Variants in MYO5B observed in about 807,000 individuals in gnomAD.
The protein encoded by MYO5B is myosin VB.
MYO5B carries 143 observed loss-of-function variants against 229.3 expected under a neutral mutation model. The observed-to-expected ratio is 0.62, with a 90% CI of 0.54 to 0.72. The LOEUF is 0.72. Ranked by LOEUF, MYO5B falls within the 30% of genes least tolerant of loss-of-function variation. MYO5B has a pLI of 0.00. For missense variants in MYO5B, 2,321 were observed against 2,331.0 expected (o/e 1.00, Z 0.09); for synonymous variants, 918 against 885.2 (o/e 1.04, Z -0.66).
chr18:50,165,918 T>C (rs2032844799), intron 1 of MYO5B, among the ~76,000 whole-genome samples: 2 of 152,152 alleles, frequency 1.3e-5, no homozygotes, highest in Admixed American at 6.5e-5. Context: ...TCAAGATTTG[T>C]GTCAAAAAAG....
intron 1 of MYO5B, among the ~76,000 whole-genome samples, chr18:50,085,753 A>G (rs1380241746): frequency 6.6e-6 from 1 of 152,226 alleles, no homozygotes; most frequent in Non-Finnish European, 1.5e-5. Flanking sequence ...TGATGAGTTC[A>G]TGTCCTTTGT....
rs192358402 is a variant in MYO5B, at chr18:49,962,915, T to C, written c.1404+34A>G. 241 of 1,578,740 alleles carry C rather than the reference T, an allele frequency of 1.5e-4. No homozygotes were observed. The African/African-American group carries it at 2.8e-3, about 19-fold the overall frequency. On this transcript the variant is annotated intron_variant, in intron 11 of 39. Coordinates refer to ENST00000285039, the MANE Select transcript of MYO5B (RefSeq NM_001080467.3). ...GTCCCTCCCAGAGGAGTCCCCCCAATCCTGGTACCCCCAGGTCTAGAAACC... is the reference window on the plus strand; with the variant it reads ...GTCCCTCCCAGAGGAGTCCCCCCAACCCTGGTACCCCCAGGTCTAGAAACC...
chr18:49,833,150 T>C (rs946918655), intron 39 of MYO5B, among the ~76,000 whole-genome samples: 15 of 152,204 alleles, frequency 9.9e-5, no homozygotes, highest in Non-Finnish European at 1.5e-5. Flanking sequence ...TTACCTATAT[T>C]ATCACAATTC....
chr18:49,957,059 G>T (rs2025500398), intron 12 of MYO5B, among the ~76,000 whole-genome samples: 1 of 143,002 alleles, frequency 7.0e-6, no homozygotes, highest in African/African-American at 2.6e-5. Context: ...TGGGTGAATT[G>T]TATGGTATGT....
intron 5 of MYO5B, among the ~76,000 whole-genome samples, chr18:49,994,802 G>A (rs2025969776): frequency 6.6e-6 from 1 of 152,214 alleles, no homozygotes. Flanking sequence ...ATGGCAGACT[G>A]CCAGACTTCA....
At chr18:50,061,732 G>A (rs987648112) in intron 1 of MYO5B, among the ~76,000 whole-genome samples, 3 of 152,180 alleles carry the variant, frequency 2.0e-5, no homozygotes, top group Admixed American at 1.3e-4. Flanking sequence ...CCCAAGTGAT[G>A]AATGCACTGT....
At chr18:49,921,411 G>A (rs955485515) in intron 17 of MYO5B, among the ~76,000 whole-genome samples, 3 of 152,130 alleles carry the variant, frequency 2.0e-5, no homozygotes, top group African/African-American at 4.8e-5. Flanking sequence ...GCACAGGCAC[G>A]AGACCTAGGA....
At chr18:49,965,488 T>C (rs2025614693) in intron 10 of MYO5B, among the ~76,000 whole-genome samples, 1 of 89,446 alleles carries the variant, frequency 1.1e-5, no homozygotes, top group Non-Finnish European at 2.4e-5. Flanking sequence ...CACACACCTC[T>C]TCTCATTCTA....
chr18:49,974,766 C>T, intron 9 of MYO5B, 151 bp from the exon 10 acceptor site: 1 of 692,192 alleles, frequency 1.4e-6, no homozygotes, highest in South Asian at 1.8e-5. Context: ...TGCTGCCAGC[C>T]CAGCAGTCTC....
chr18:50,172,392 T>C (rs1433642272), intron 1 of MYO5B, among the ~76,000 whole-genome samples: 1 of 151,602 alleles, frequency 6.6e-6, no homozygotes, highest in Non-Finnish European at 1.5e-5. Flanking sequence ...GATAAGAAAG[T>C]ACACTGATAT....
intron 1 of MYO5B, among the ~76,000 whole-genome samples, chr18:50,087,078 T>C (rs1003743885): frequency 2.0e-5 from 3 of 152,202 alleles, no homozygotes; most frequent in African/African-American, 7.2e-5. Flanking sequence ...CACCATGCCA[T>C]GGACACTCCT....
chr18:50,192,962 T>C (rs896742962), intron 1 of MYO5B, among the ~76,000 whole-genome samples: 6 of 152,238 alleles, frequency 3.9e-5, no homozygotes, highest in African/African-American at 1.4e-4. Context: ...CAATTCAATA[T>C]TGCCTGACAA....
chr18:50,135,700 C>G (rs151110323), intron 1 of MYO5B, among the ~76,000 whole-genome samples: 5 of 152,288 alleles, frequency 3.3e-5, no homozygotes, highest in Admixed American at 6.5e-5. Flanking sequence ...AATTGAGATT[C>G]CATGCACGCT....
At chr18:49,851,564 A>T (rs2024201164) in intron 31 of MYO5B, among the ~76,000 whole-genome samples, 1 of 152,268 alleles carries the variant, frequency 6.6e-6, no homozygotes, top group African/African-American at 2.4e-5. Context: ...AAAAGCTTAC[A>T]GAATAATGAA....
At chr18:49,961,289 G>A (rs1246581946) in intron 12 of MYO5B, among the ~76,000 whole-genome samples, 1 of 152,078 alleles carries the variant, frequency 6.6e-6, no homozygotes, top group Non-Finnish European at 1.5e-5. Context: ...CTTGGATACC[G>A]ATTCTCGGGA....
intron 1 of MYO5B, among the ~76,000 whole-genome samples, chr18:50,122,439 T>TAAAAA (rs71169481): frequency 0.23 from 9,582 of 41,600 alleles, 2,426 homozygotes; most frequent in Non-Finnish European, 0.29. Flanking sequence ...CTGTCTCAAC[T>TAAAAA]AAAAAAAAAA....
At chr18:50,190,079 A>G (rs1326594947) in intron 1 of MYO5B, among the ~76,000 whole-genome samples, 1 of 152,220 alleles carries the variant, frequency 6.6e-6, no homozygotes, top group African/African-American at 2.4e-5. Flanking sequence ...ACCAGTTTCA[A>G]TTTGATGATT....
chr18:49,889,896 T>C (rs777398102), intron 22 of MYO5B, among the ~76,000 whole-genome samples: 1 of 152,228 alleles, frequency 6.6e-6, no homozygotes, highest in African/African-American at 2.4e-5. Context: ...ACACCTCCTA[T>C]TGTTTTGAGG....
At chr18:49,954,572 G>T in intron 12 of MYO5B, 137 bp from the exon 13 acceptor site, 1 of 1,150,188 alleles carries the variant, frequency 8.7e-7, no homozygotes, top group African/African-American at 1.5e-5. Flanking sequence ...TAACTGGACG[G>T]TGCAAAGAAT....
Sources: allele counts gnomAD v4.1 joint callset (sites outside exome capture counted in the v4.1 genomes callset), GRCh38; gene constraint gnomAD v4.1.1; transcripts MANE v1.5; gene names NCBI Gene and HGNC (gene_info 2026-07-23, HGNC 2026-07-21).